The following SLC15A1 variants were observed in gnomAD, a reference collection of about 807,000 sequenced individuals.
SLC15A1 encodes the protein solute carrier family 15 member 1, also known as Caco-2 oligopeptide transporter.
In SLC15A1, 83 loss-of-function variants were observed where a neutral mutation model predicts 92.9. That is an observed-to-expected ratio of 0.89 (90% CI 0.75 to 1.07). The LOEUF is 1.07. SLC15A1 is among the 50% of genes least tolerant of loss of function. SLC15A1 has a pLI of 0.00. For missense variants in SLC15A1, 857 were observed against 880.1 expected, an observed-to-expected ratio of 0.97 and a Z score of 0.33; for synonymous variants, 322 against 318.2, an observed-to-expected ratio of 1.01 and a Z score of -0.13.
chr13:98,734,435 C>T (rs1251629081), intron 1 of SLC15A1, among the ~76,000 whole-genome samples: 2 of 152,130 alleles, frequency 1.3e-5, no homozygotes, highest in African/African-American at 4.8e-5. Context: ...ACTGGTTGGA[C>T]AGTGGGTGCA....
chr13:98,716,330 CAATA>C (rs2139587071), intron 8 of SLC15A1, among the ~76,000 whole-genome samples: 1 of 152,230 alleles, frequency 6.6e-6, no homozygotes, highest in South Asian at 2.1e-4. Context: ...TCTACTAAGA[CAATA>C]AATGGGGCCA....
In SLC15A1 at chr13:98,704,438, A is replaced by G. The variant is rs755866357; in HGVS notation, c.1270-3T>C. ...TCAAAAGTCATAAATGCATTTGTCT[A>G]TAGAGGGAGGGAAAGAGGCATAGTT... On this transcript the variant is annotated splice_polypyrimidine_tract_variant and splice_region_variant and intron_variant, in intron 16 of 22. Coordinates refer to ENST00000376503, the MANE Select transcript of SLC15A1 (RefSeq NM_005073.4). 1.7e-5 allele frequency: 28 copies of G among 1,611,222 alleles called. No homozygotes were observed. In the East Asian group the frequency reaches 5.8e-4, roughly 33 times the overall value.
chr13:98,717,139 C>T lies in SLC15A1; in HGVS notation c.641-1179G>A, dbSNP rs367702559. On this transcript the variant is annotated intron_variant, in intron 8 of 22. Transcript: ENST00000376503. Reference sequence around the variant, plus strand: ...CCACAGTTCAATAATTTAAAAACACCGATAGCTTGAATTCTACTTATTTTT... The same window carrying T: ...CCACAGTTCAATAATTTAAAAACACTGATAGCTTGAATTCTACTTATTTTT... Among the ~76,000 whole-genome samples the T allele has an allele frequency of 1.1e-4, 16 of 152,206 alleles. No individual in the cohort carries two copies. In the East Asian group the frequency reaches 1.3e-3, roughly 13 times the overall value.
At chr13:98,692,976 C>T (rs2087992471) in intron 18 of SLC15A1, among the ~76,000 whole-genome samples, 1 of 151,820 alleles carries the variant, frequency 6.6e-6, no homozygotes, top group South Asian at 2.1e-4. Flanking sequence ...TGGGTTCAAG[C>T]ACTCAGCCCA....
At chr13:98,714,647 C>T (rs2088197625) in intron 9 of SLC15A1, among the ~76,000 whole-genome samples, 1 of 86,200 alleles carries the variant, frequency 1.2e-5, no homozygotes, top group African/African-American at 4.7e-5. Context: ...GAGCAAGACT[C>T]CATCTCAAAA....
At chr13:98,712,434 T>G in intron 10 of SLC15A1, 64 bp downstream of exon 10, 78 of 1,251,294 alleles carry the variant, frequency 6.2e-5, no homozygotes, top group Middle Eastern at 1.8e-4. Flanking sequence ...TAATCTGAAT[T>G]GAGATTTTTC....
At chr13:98,721,051 A>AAAAAC (rs1244108814) in intron 7 of SLC15A1, 4 of 449,436 alleles carry the variant, frequency 8.9e-6, no homozygotes, top group East Asian at 7.0e-5. Context: ...GACTCCTTCT[A>AAAAAC]AAAACAAAAC....
chr13:98,748,803 C>T (rs941503773), intron 1 of SLC15A1, among the ~76,000 whole-genome samples: 4 of 152,104 alleles, frequency 2.6e-5, no homozygotes, highest in East Asian at 1.9e-4. Context: ...TCTTTAGAGT[C>T]GTGGTTCTCA....
At chr13:98,743,063 C>A (rs2088462182) in intron 1 of SLC15A1, among the ~76,000 whole-genome samples, 1 of 152,202 alleles carries the variant, frequency 6.6e-6, no homozygotes, top group Admixed American at 6.5e-5. Context: ...CACGAGCCAC[C>A]ATGTCCAGTC....
In SLC15A1 at chr13:98,687,567, A is replaced by C. The variant is rs2087938757; in HGVS notation, c.1827+14T>G. On this transcript the variant is annotated intron_variant, in intron 21 of 22. Transcript: ENST00000376503. Reference sequence around the variant, plus strand: ...GGTATTGCAGATGGGTGGTAAATACAACAAACAAGAAACCTGAGAATATGA... The same window carrying C: ...GGTATTGCAGATGGGTGGTAAATACCACAAACAAGAAACCTGAGAATATGA... 6.2e-7 allele frequency: 1 copy of C among 1,613,494 alleles called. No individual in the cohort carries two copies.
chr13:98,726,210 G>A lies in SLC15A1; in HGVS notation c.158C>T (p.Thr53Ile), dbSNP rs2088298143. 6.2e-7 allele frequency: 1 copy of A among 1,614,180 alleles called. No homozygotes were observed. The highest frequency in any genetic ancestry group is 1.3e-5 in the African/African-American group (1 of 75,042). ...AGCCACAAACGTATGGTAGATGGCG[G>A]TGGACAGGTTATCATCCCAGCTGAT... is the stretch of plus-strand genomic sequence containing the variant. The part of the protein sequence containing the change: ...NFISWDDNLS[T>I]AIYHTFVALC... The change falls in exon 4 of 23, where the codon ACC becomes ATC. Residue 53 changes from threonine (T) to isoleucine (I), a missense_variant. Physicochemically the swap from Thr to Ile is moderately conservative, Grantham distance 89. Transcript: ENST00000376503.
rs2088094113 is a variant in SLC15A1 at position 98,704,317 on chromosome 13, A to G, written c.1388T>C (p.Leu463Pro). The change falls in exon 17 of 23, where the codon CTA (leucine) becomes CCA (proline). Residue 463 changes from leucine to proline, a missense_variant. Leu to Pro is a moderately conservative substitution (Grantham distance 98, BLOSUM62 -3). Coordinates refer to ENST00000376503, the MANE Select transcript of SLC15A1 (RefSeq NM_005073.4). ...DFKQGQRHTL[L>P]VWAPNHYQVV... Reference sequence around the variant, plus strand: ...CTGGTAGTGATTGGGGGCCCACACTAGAAGCGTGTGGCGTTGGCCCTGCTT... The same window carrying G: ...CTGGTAGTGATTGGGGGCCCACACTGGAAGCGTGTGGCGTTGGCCCTGCTT... 9 of 1,613,054 alleles carry G rather than the reference A, an allele frequency of 5.6e-6. No individual in the cohort carries two copies. The Admixed American group carries it at 8.3e-5, about 15-fold the overall frequency.
chr13:98,690,840 T>C (rs9557033), intron 18 of SLC15A1, among the ~76,000 whole-genome samples: 46,747 of 151,858 alleles, frequency 0.31, 8,897 homozygotes, highest in East Asian at 0.56. Context: ...GGTAAGGATT[T>C]GCACATCTAA....
At chr13:98,688,624 T>A in intron 18 of SLC15A1, 47 bp from the exon 19 acceptor site, 1 of 1,400,436 alleles carries the variant, frequency 7.1e-7, no homozygotes, top group Non-Finnish European at 1.0e-6. Context: ...GAGAATAATA[T>A]ATTCTAGGTC....
intron 18 of SLC15A1, among the ~76,000 whole-genome samples, chr13:98,695,202 G>A (rs2088012616): frequency 6.6e-6 from 1 of 152,058 alleles, no homozygotes; most frequent in Non-Finnish European, 1.5e-5. Context: ...ACGGAACAAT[G>A]TATAACATTT....
rs1437269641 is a variant in SLC15A1 at position 98,687,630 on chromosome 13, C to G, written c.1778G>C (p.Cys593Ser). ...LQIPQYFLLT[C>S]GEVVFSVTGL... ...CGTGACAGAGAAGACCACTTCGCCA[C>G]AGGTGAGAAGAAAATACTGCGGGAT... Residue 593 changes from cysteine (C) to serine (S), a missense_variant, in exon 21 of 23, where the codon TGT becomes TCT. By Grantham distance (112) the Cys-to-Ser change is moderately radical (BLOSUM62 -1). Transcript: ENST00000376503. 6.2e-7 allele frequency: 1 copy of G among 1,614,154 alleles called. No homozygotes were observed. The highest frequency in any genetic ancestry group is 8.5e-7 in the Non-Finnish European group (1 of 1,180,020).
chr13:98,708,104 G>A (rs1251626125), intron 15 of SLC15A1, among the ~76,000 whole-genome samples: 9 of 151,868 alleles, frequency 5.9e-5, no homozygotes, highest in Non-Finnish European at 8.8e-5. Flanking sequence ...GGGGAGGGAA[G>A]GAACGAGAGA....
intron 17 of SLC15A1, among the ~76,000 whole-genome samples, chr13:98,703,203 A>G (rs1042678997): frequency 6.7e-6 from 1 of 150,016 alleles, no homozygotes; most frequent in African/African-American, 2.5e-5. Flanking sequence ...GGAGGGAAGG[A>G]AGGAAAGGAA....
intron 1 of SLC15A1, among the ~76,000 whole-genome samples, chr13:98,727,722 C>T (rs1436600608): frequency 6.6e-6 from 1 of 152,198 alleles, no homozygotes; most frequent in Non-Finnish European, 1.5e-5. Context: ...CACCTCCTCA[C>T]TCTGCTCCTA....
Sources: allele counts gnomAD v4.1 joint callset (sites outside exome capture counted in the v4.1 genomes callset), GRCh38; gene constraint gnomAD v4.1.1; transcripts MANE v1.5; gene names NCBI Gene and HGNC (gene_info 2026-07-23, HGNC 2026-07-21).